Variants in MGST1 observed in about 807,000 individuals in gnomAD.
MGST1 encodes glutathione S-transferase 12.
MGST1 carries 5 observed loss-of-function variants against 8.9 expected under a neutral mutation model. The ratio of observed to expected loss-of-function variants is 0.56; its 90% CI spans 0.29 to 1.19. The LOEUF is 1.19. MGST1 is among the 50% of genes most tolerant of loss of function. The probability of loss-of-function intolerance (pLI) is 0.08; values close to 1 mark genes in which losing one functional copy is unlikely to be tolerated. For synonymous variants in MGST1, 54 were observed against 67.8 expected (o/e 0.80, Z 1.00); for missense variants, 182 against 187.4 (o/e 0.97, Z 0.17).
chr12:16,532,147 C>T (rs1346404784), intron 4 of MGST1, among the ~76,000 whole-genome samples: 5 of 152,136 alleles, frequency 3.3e-5, no homozygotes, highest in Admixed American at 2.6e-4. Flanking sequence ...GAACTTCTAG[C>T]AGGTGTCGAG....
At chr12:16,536,938 T>A (rs371698538) in intron 4 of MGST1, among the ~76,000 whole-genome samples, 12 of 152,048 alleles carry the variant, frequency 7.9e-5, no homozygotes, top group African/African-American at 2.9e-4. Flanking sequence ...AAATCTCAAG[T>A]CCTCAAATTT....
chr12:16,404,978 C>T (rs1017539529), intron 1 of MGST1, among the ~76,000 whole-genome samples: 2 of 152,084 alleles, frequency 1.3e-5, no homozygotes, highest in Non-Finnish European at 2.9e-5. Context: ...TTTTTTGTAA[C>T]TAATGAGAAC....
rs554298090 is a variant in MGST1, at chr12:16,426,904, G to A, written n.779-10484G>A. Among the ~76,000 whole-genome samples, 13 of 148,880 alleles carry A rather than the reference G, an allele frequency of 8.7e-5. No individual in the cohort carries two copies. In the South Asian group the frequency reaches 1.9e-3, roughly 22 times the overall value. ...GGAGAATGGCATGAACCAGGAGGCC[G>A]AGCTTGCAGTGAGCCGAGATCACAC... On this transcript the variant is annotated intron_variant and non_coding_transcript_variant, in intron 1 of 1. Coordinates refer to the MGST1 transcript ENST00000359720.
intron 1 of MGST1, among the ~76,000 whole-genome samples, chr12:16,417,814 C>G (rs1940799841): frequency 6.6e-6 from 1 of 152,068 alleles, no homozygotes; most frequent in African/African-American, 2.4e-5. Flanking sequence ...AAATTCTAAA[C>G]CCAAGGAACA....
At chr12:16,372,900 A>G (rs112002158) in intron 3 of MGST1, among the ~76,000 whole-genome samples, 1,543 of 140,630 alleles carry the variant, frequency 0.011, 26 homozygotes, top group African/African-American at 0.037. Context: ...GTAGTATATT[A>G]TATATTACAT....
At chr12:16,409,240 T>A (rs1467037936) in intron 1 of MGST1, among the ~76,000 whole-genome samples, 2 of 152,072 alleles carry the variant, frequency 1.3e-5, no homozygotes, top group East Asian at 3.9e-4. Context: ...TTATCTGAGG[T>A]CTAGAGTTAA....
chr12:16,459,484 T>A (rs1186365274), intron 4 of MGST1, among the ~76,000 whole-genome samples: 2 of 152,138 alleles, frequency 1.3e-5, no homozygotes, highest in Non-Finnish European at 2.9e-5. Flanking sequence ...GATGATAATC[T>A]CCTTTAAGTG....
At chr12:16,509,959 C>G (rs1156930442) in intron 4 of MGST1, among the ~76,000 whole-genome samples, 1 of 152,138 alleles carries the variant, frequency 6.6e-6, no homozygotes, top group African/African-American at 2.4e-5. Context: ...CTCTCTTGAT[C>G]CTTGATTTCC....
At chr12:16,502,659 T>G (rs1324780191) in intron 4 of MGST1, among the ~76,000 whole-genome samples, 2 of 152,048 alleles carry the variant, frequency 1.3e-5, no homozygotes, top group Non-Finnish European at 2.9e-5. Context: ...AACACTGAAG[T>G]CAAACAAAGA....
At chr12:16,353,781 A>G in intron 1 of MGST1, among the ~76,000 whole-genome samples, 1 of 117,162 alleles carries the variant, frequency 8.5e-6, no homozygotes, top group African/African-American at 3.4e-5. Context: ...TTTTTTTGAG[A>G]TAGAGTCTCT....
intron 4 of MGST1, among the ~76,000 whole-genome samples, chr12:16,558,538 G>T (rs1349630261): frequency 6.6e-6 from 1 of 152,026 alleles, no homozygotes; most frequent in Non-Finnish European, 1.5e-5. Context: ...GTTTGTGTTT[G>T]TATATCCTTA....
intron 1 of MGST1, among the ~76,000 whole-genome samples, chr12:16,398,558 GA>G (rs1361198868): frequency 1.3e-5 from 2 of 151,926 alleles, no homozygotes; most frequent in African/African-American, 2.4e-5. Context: ...AGATATATCA[GA>G]AAAAAAAGAA....
intron 4 of MGST1, among the ~76,000 whole-genome samples, chr12:16,447,503 A>G (rs1453707599): frequency 6.6e-6 from 1 of 151,920 alleles, no homozygotes; most frequent in South Asian, 2.1e-4. Flanking sequence ...GGAAGGATGC[A>G]CTATCTCTGC....
At chr12:16,399,194 G>A in intron 1 of MGST1, 2 of 1,334,758 alleles carry the variant, frequency 1.5e-6, no homozygotes, top group East Asian at 2.3e-5. Context: ...AAAACAAAAG[G>A]AAAAATACAG....
At chr12:16,384,864 A>T (rs1940491158) in intron 1 of MGST1, among the ~76,000 whole-genome samples, 1 of 152,216 alleles carries the variant, frequency 6.6e-6, no homozygotes, top group South Asian at 2.1e-4. Flanking sequence ...TCCTTGTGGG[A>T]TGCAGAAGGC....
intron 2 of MGST1, 101 bp downstream of exon 2, chr12:16,354,479 C>A: frequency 8.4e-7 from 1 of 1,186,062 alleles, no homozygotes. Context: ...AGCCCAATAG[C>A]ACACTGTTTT....
chr12:16,357,569 A>AT, intron 2 of MGST1, 36 bp from the exon 3 acceptor site: 1 of 1,538,630 alleles, frequency 6.5e-7, no homozygotes, highest in South Asian at 1.1e-5. Context: ...CCTGGCCAGT[A>AT]TTTGAAATAA....
At chr12:16,368,250 A>G (rs1309106300), downstream of MGST1, among the ~76,000 whole-genome samples, 2 of 152,202 alleles carry the variant, frequency 1.3e-5, no homozygotes, top group Non-Finnish European at 2.9e-5. Context: ...AGTAAGGCCC[A>G]GTCCTAGGGA....
downstream of MGST1, among the ~76,000 whole-genome samples, chr12:16,590,131 A>AT: frequency 6.6e-6 from 1 of 152,254 alleles, no homozygotes; most frequent in Non-Finnish European, 1.5e-5. Context: ...AAACTTAAAC[A>AT]TTTTTAAAAG....
Sources: gnomAD v4.1 joint callset for allele counts (sites outside exome capture counted in the v4.1 genomes callset) on GRCh38, gnomAD v4.1.1 for gene constraint, MANE v1.5 for transcripts, NCBI Gene and HGNC (gene_info 2026-07-23, HGNC 2026-07-21) for gene names.